The following COL4A6 variants were observed in gnomAD, a reference collection of about 807,000 sequenced individuals.
The protein encoded by COL4A6 is collagen type IV alpha 6 chain, also known as collagen alpha-6(IV) chain.
In COL4A6, 59 loss-of-function variants were observed where a neutral mutation model predicts 126.7. That is an observed-to-expected ratio of 0.47 (90% CI 0.38 to 0.58). COL4A6 has a LOEUF of 0.58. COL4A6 is among the 20% of genes least tolerant of loss of function. The pLI, the probability that COL4A6 is intolerant of heterozygous loss-of-function variation, is 0.00. For missense variants in COL4A6, 1,285 were observed against 1,337.3 expected, an observed-to-expected ratio of 0.96 and a Z score of 0.61; for synonymous variants, 547 against 496.6, an observed-to-expected ratio of 1.10 and a Z score of -1.35.
At chrX:108,292,365 C>T (rs1164926728) in intron 3 of COL4A6, among the ~76,000 whole-genome samples, 2 of 112,193 alleles carry the variant, frequency 1.8e-5, no homozygotes, top group Non-Finnish European at 3.8e-5. Flanking sequence ...CACTGCCTTC[C>T]GCCTTCAGCT....
chrX:108,433,934 C>T (rs753355913), intron 2 of COL4A6, among the ~76,000 whole-genome samples: 1 of 111,715 alleles, frequency 9.0e-6, no homozygotes, highest in African/African-American at 3.3e-5. Context: ...CATAATTGCA[C>T]CTGTGGTAAA....
intron 2 of COL4A6, among the ~76,000 whole-genome samples, chrX:108,357,996 A>G (rs1228800870): frequency 3.6e-5 from 4 of 111,772 alleles, no homozygotes; most frequent in African/African-American, 1.3e-4. Context: ...AAAGTTTGCC[A>G]AGAGTTGAAA....
intron 2 of COL4A6, among the ~76,000 whole-genome samples, chrX:108,422,836 T>C (rs931346316): frequency 3.6e-5 from 4 of 111,559 alleles, no homozygotes; most frequent in South Asian, 7.5e-4. Flanking sequence ...CAGGGAAAGC[T>C]ACAGGTCTCT....
intron 2 of COL4A6, among the ~76,000 whole-genome samples, chrX:108,343,149 A>G (rs1299581004): frequency 1.3e-5 from 1 of 74,948 alleles, no homozygotes; most frequent in African/African-American, 4.8e-5. Context: ...ATATATATAT[A>G]TATATATATA....
At chrX:108,428,686 T>A (rs1169997778) in intron 2 of COL4A6, among the ~76,000 whole-genome samples, 6 of 108,812 alleles carry the variant, frequency 5.5e-5, no homozygotes, top group Non-Finnish European at 7.7e-5. Context: ...AATAAAACTT[T>A]AAAAAAAAAG....
chrX:108,277,609 T>A (rs1340998203), intron 3 of COL4A6, among the ~76,000 whole-genome samples: 5 of 111,911 alleles, frequency 4.5e-5, no homozygotes, highest in Non-Finnish European at 9.4e-5. Context: ...GACTTAAACG[T>A]CCCTGTCTGA....
intron 14 of COL4A6, 107 bp downstream of exon 14, chrX:108,196,404 G>A (rs1039234229): frequency 2.0e-5 from 14 of 685,152 alleles, no homozygotes; most frequent in Middle Eastern, 3.1e-4. Context: ...GAGGAGAAAC[G>A]AGAAGCTTAG....
chrX:108,346,502 G>A (rs1297101702), intron 2 of COL4A6, among the ~76,000 whole-genome samples: 5 of 111,795 alleles, frequency 4.5e-5, no homozygotes. Context: ...AATAAATAAT[G>A]TGCTACACGA....
chrX:108,208,178 A>G (rs981525167), intron 8 of COL4A6, among the ~76,000 whole-genome samples: 3 of 111,894 alleles, frequency 2.7e-5, no homozygotes, highest in Non-Finnish European at 5.7e-5. Flanking sequence ...AAATTACATG[A>G]AGCAAAAACT....
chrX:108,197,768 G>T (rs1383801033), intron 13 of COL4A6, among the ~76,000 whole-genome samples: 3 of 66,696 alleles, frequency 4.5e-5, no homozygotes, highest in Non-Finnish European at 8.4e-5. Flanking sequence ...TTTTTATTGG[G>T]AGGAGTGTGT....
In COL4A6 at chrX:108,179,159, T is replaced by A; in HGVS notation, c.2353+58A>T. 5.8e-6 allele frequency: 6 copies of A among 1,039,160 alleles called. No individual in the cohort carries two copies. In the South Asian group the frequency reaches 8.1e-5, roughly 14 times the overall value. The allele number at this position is 1,039,160 out of a possible 1,213,427, so 85.6% of individuals were successfully genotyped here. A position where few individuals can be genotyped will look rare whatever the true frequency, so the allele number is the denominator to read the frequency against. On this transcript the variant is annotated intron_variant, in intron 26 of 44. Transcript: ENST00000334504. ...ATTCATGCAAGTATTCATGGAAGTA[T>A]ACGAATTAATATAAGGCTTTCTGTA...
rs1159021291 is a variant in COL4A6, at chrX:108,161,687, A to G, written c.4265T>C (p.Leu1422Pro). Reference protein sequence around the residue: ...GIPGKDGPSGLPGPPGALGDP... With the variant: ...GIPGKDGPSGPPGPPGALGDP... ...ACCAAGAGCCCCAGGTGGGCCTGGG[A>G]GCCCACTGGGGCCATCTTTACCGGG... Residue 1422 changes from leucine (L) to proline (P), a missense_variant, in exon 42 of 45, where the codon CTC becomes CCC. Physicochemically the swap from Leu to Pro is moderately conservative, Grantham distance 98. Transcript: ENST00000334504. The G allele has an allele frequency of 2.8e-5, 33 of 1,187,644 alleles. No individual in the cohort carries two copies. The highest frequency in any genetic ancestry group is 3.6e-5 in the Non-Finnish European group (32 of 884,301).
chrX:108,283,829 A>G (rs1163861266), intron 3 of COL4A6, among the ~76,000 whole-genome samples: 2 of 111,387 alleles, frequency 1.8e-5, no homozygotes, highest in Admixed American at 1.9e-4. Context: ...TGGTCTTCCA[A>G]GAAAAAAAGA....
Position 108,305,971 on chromosome X carries a change from A to G in COL4A6, c.144+4777T>C, listed in dbSNP as rs186869269. Among the ~76,000 whole-genome samples, 18 of 112,461 alleles carry G rather than the reference A, an allele frequency of 1.6e-4. No homozygotes were observed. In the Admixed American group the frequency reaches 1.7e-3, roughly 11 times the overall value. On this transcript the variant is annotated intron_variant, in intron 3 of 44. Transcript: ENST00000334504. ...AAGAAGAAAGATCTGAACTAGAGCT[A>G]GAGATTTAATATTTATCATTTTATG... is the stretch of plus-strand genomic sequence containing the variant.
intron 42 of COL4A6, among the ~76,000 whole-genome samples, chrX:108,160,880 A>T (rs1371675869): frequency 8.9e-6 from 1 of 112,260 alleles, no homozygotes; most frequent in Non-Finnish European, 1.9e-5. Context: ...TCTATCTCAG[A>T]TGTATCCAGC....
chrX:108,382,964 A>C (rs1037502406), intron 2 of COL4A6, among the ~76,000 whole-genome samples: 44 of 85,887 alleles, frequency 5.1e-4, no homozygotes, highest in African/African-American at 2.0e-3. Flanking sequence ...CCCGCCAAAA[A>C]TAATAATAAT....
intron 17 of COL4A6, 105 bp from the exon 18 acceptor site, chrX:108,192,685 C>A (rs1282319494): frequency 1.4e-5 from 7 of 498,604 alleles, no homozygotes; most frequent in South Asian, 3.2e-5. Context: ...ATTAGAAGTG[C>A]CTTTCATGCC....
At chrX:108,359,543 C>A in intron 2 of COL4A6, among the ~76,000 whole-genome samples, 1 of 112,423 alleles carries the variant, frequency 8.9e-6, no homozygotes, top group Non-Finnish European at 1.9e-5. Flanking sequence ...GTCATTTCTT[C>A]TTAAAATTAA....
At chrX:108,327,029 C>T (rs1379029717) in intron 2 of COL4A6, among the ~76,000 whole-genome samples, 1 of 110,821 alleles carries the variant, frequency 9.0e-6, no homozygotes, top group Non-Finnish European at 1.9e-5. Context: ...AGAAAATATT[C>T]GCATATCACA....
Sources: gnomAD v4.1 joint callset for allele counts (sites outside exome capture counted in the v4.1 genomes callset) on GRCh38, gnomAD v4.1.1 for gene constraint, MANE v1.5 for transcripts, NCBI Gene and HGNC (gene_info 2026-07-23, HGNC 2026-07-21) for gene names.